MSR1: variants seen among roughly 807,000 people sequenced by gnomAD.
The protein encoded by MSR1 is macrophage scavenger receptor types I and II.
A neutral mutation model predicts 47.2 loss-of-function variants in MSR1; 53 were observed. The observed-to-expected ratio is 1.12, with a 90% CI of 0.90 to 1.41. MSR1 has a LOEUF of 1.41. Ranked by LOEUF, MSR1 falls within the 40% of genes most tolerant of loss-of-function variation. The pLI is 0.00. For synonymous variants in MSR1, 239 were observed against 185.6 expected, an observed-to-expected ratio of 1.29 and a Z score of -2.34; for missense variants, 786 against 546.9, an observed-to-expected ratio of 1.44 and a Z score of -4.36.
At chr8:16,134,500 T>A (rs1007703183) in intron 8 of MSR1, among the ~76,000 whole-genome samples, 1 of 152,106 alleles carries the variant, frequency 6.6e-6, no homozygotes, top group Non-Finnish European at 1.5e-5. Context: ...GTTGTGTGTA[T>A]TCTGACTGCT....
intron 9 of MSR1, among the ~76,000 whole-genome samples, chr8:16,115,417 G>A (rs937270861): frequency 6.6e-6 from 1 of 152,042 alleles, no homozygotes; most frequent in African/African-American, 2.4e-5. Context: ...GTGGAGGAGT[G>A]AAAAAATCAG....
intron 1 of MSR1, among the ~76,000 whole-genome samples, chr8:16,187,477 C>A (rs1256078778): frequency 6.6e-6 from 1 of 151,802 alleles, no homozygotes; most frequent in Admixed American, 6.6e-5. Flanking sequence ...CTTTGTCTTC[C>A]CCACCCTGGC....
intron 5 of MSR1, among the ~76,000 whole-genome samples, chr8:16,161,117 G>C (rs1801150615): frequency 6.7e-6 from 1 of 149,248 alleles, no homozygotes; most frequent in African/African-American, 2.5e-5. Flanking sequence ...TAATACACCA[G>C]ACTGGGATAT....
chr8:16,150,361 G>T (rs28562878), intron 6 of MSR1, 50 bp from the exon 7 acceptor site: 1 of 1,080,492 alleles, frequency 9.3e-7, no homozygotes, highest in South Asian at 1.6e-5. Flanking sequence ...TTTTCATACA[G>T]ACTTGAGAGT....
chr8:16,137,642 T>A (rs1021026353), intron 8 of MSR1, among the ~76,000 whole-genome samples: 11 of 152,074 alleles, frequency 7.2e-5, no homozygotes, highest in Admixed American at 1.3e-4. Context: ...ATTCTAGAAA[T>A]TGGGATAATA....
chr8:16,133,277 CA>C (rs1196523418), intron 8 of MSR1, among the ~76,000 whole-genome samples: 1 of 152,096 alleles, frequency 6.6e-6, no homozygotes, highest in East Asian at 1.9e-4. Flanking sequence ...TTAACTATAT[CA>C]ATGTTGTAAT....
At chr8:16,178,266 C>G (rs1457631704) in intron 1 of MSR1, among the ~76,000 whole-genome samples, 1 of 149,882 alleles carries the variant, frequency 6.7e-6, no homozygotes, top group Non-Finnish European at 1.5e-5. Context: ...CCCCCTACCC[C>G]ACAACAGGCC....
intron 5 of MSR1, among the ~76,000 whole-genome samples, chr8:16,158,628 C>CT (rs963256574): frequency 1.6e-4 from 24 of 148,838 alleles, no homozygotes; most frequent in Admixed American, 4.7e-4. Flanking sequence ...AAACCTGCTT[C>CT]TTTTTTTTTT....
At chr8:16,120,864 A>C in intron 8 of MSR1, 1 of 495,788 alleles carries the variant, frequency 2.0e-6, no homozygotes, top group Non-Finnish European at 3.6e-6. Flanking sequence ...ATACGAGGAC[A>C]CGTCACAGAT....
At chr8:16,165,648 T>A (rs952915837) in intron 4 of MSR1, among the ~76,000 whole-genome samples, 2 of 152,164 alleles carry the variant, frequency 1.3e-5, no homozygotes. Flanking sequence ...GCCAGTGGTA[T>A]GTTTTTCTTT....
intron 8 of MSR1, among the ~76,000 whole-genome samples, chr8:16,137,729 A>T (rs1381959027): frequency 6.6e-6 from 1 of 152,136 alleles, no homozygotes; most frequent in Non-Finnish European, 1.5e-5. Context: ...GTAGTGGCTC[A>T]CACCTGTAAT....
At chr8:16,115,688 C>T (rs947224555) in intron 9 of MSR1, among the ~76,000 whole-genome samples, 3 of 152,012 alleles carry the variant, frequency 2.0e-5, no homozygotes, top group African/African-American at 7.2e-5. Context: ...GAAACAACAG[C>T]TAAGTCAAAC....
chr8:16,183,609 G>A (rs1395445152), intron 1 of MSR1, among the ~76,000 whole-genome samples: 3 of 123,284 alleles, frequency 2.4e-5, no homozygotes, highest in African/African-American at 9.6e-5. Flanking sequence ...TATATAATAG[G>A]CAAATATATA....
chr8:16,130,138 G>A (rs991096763), intron 8 of MSR1, among the ~76,000 whole-genome samples: 2 of 152,178 alleles, frequency 1.3e-5, no homozygotes, highest in South Asian at 4.1e-4. Flanking sequence ...GGACTAAGCA[G>A]GACAAGTGCT....
At chr8:16,153,042 T>C (rs1800903613) in intron 6 of MSR1, among the ~76,000 whole-genome samples, 1 of 152,050 alleles carries the variant, frequency 6.6e-6, no homozygotes, top group Non-Finnish European at 1.5e-5. Context: ...GAATAATAAT[T>C]CTACTATATT....
chr8:16,132,441 G>A (rs1170348971), intron 8 of MSR1, among the ~76,000 whole-genome samples: 1 of 151,964 alleles, frequency 6.6e-6, no homozygotes, highest in East Asian at 1.9e-4. Context: ...CAAACAGATA[G>A]TTTGACTTTT....
intron 1 of MSR1, chr8:16,186,063 T>G: frequency 9.3e-7 from 1 of 1,071,438 alleles, no homozygotes; most frequent in Non-Finnish European, 1.3e-6. Context: ...TTTTCCTGTG[T>G]GGTAGAAGCA....
chr8:16,177,635 T>C (rs1476829353), intron 2 of MSR1, among the ~76,000 whole-genome samples: 1 of 152,120 alleles, frequency 6.6e-6, no homozygotes, highest in Non-Finnish European at 1.5e-5. Flanking sequence ...CATATTTATC[T>C]CCAGAACCTA....
chr8:16,118,454 T>C (rs956476241), intron 9 of MSR1, among the ~76,000 whole-genome samples: 5 of 152,144 alleles, frequency 3.3e-5, no homozygotes, highest in Non-Finnish European at 7.4e-5. Context: ...TTTGGAAACG[T>C]GGGCTGGGTG....
Sources: allele counts gnomAD v4.1 joint callset (sites outside exome capture counted in the v4.1 genomes callset), GRCh38; gene constraint gnomAD v4.1.1; transcripts MANE v1.5; gene names NCBI Gene and HGNC (gene_info 2026-07-23, HGNC 2026-07-21).